The following DPP6 variants were observed in gnomAD, a reference collection of about 807,000 sequenced individuals.
DPP6 encodes the protein A-type potassium channel modulatory protein DPP6.
A neutral mutation model predicts 122.6 loss-of-function variants in DPP6; 69 were observed. The ratio of observed to expected loss-of-function variants is 0.56; its 90% CI spans 0.46 to 0.69. The LOEUF (loss-of-function observed/expected upper bound fraction) is 0.69, where lower values mean the gene tolerates loss of function less well. Among genes scored for constraint, DPP6 ranks in the 30% least tolerant of loss-of-function variants. The pLI is 0.00. For synonymous variants in DPP6, 418 were observed against 433.1 expected (o/e 0.97, Z 0.43); for missense variants, 928 against 1,116.9 (o/e 0.83, Z 2.41).
chr7:154,253,310 G>A (rs924387111), intron 1 of DPP6, among the ~76,000 whole-genome samples: 8 of 152,236 alleles, frequency 5.3e-5, no homozygotes, highest in African/African-American at 1.7e-4. Context: ...GGTACCTGGA[G>A]CAGGCTGAAA....
rs1235353069 is a variant in DPP6, at chr7:154,241,515, A to G, written c.243+188452A>G. ...AAGGAGGTTGCAGTGAGTTGTGGTCACTCCACTGCACTGCAGCCTGAGTAA... is the reference window on the plus strand; with the variant it reads ...AAGGAGGTTGCAGTGAGTTGTGGTCGCTCCACTGCACTGCAGCCTGAGTAA... On this transcript the variant is annotated intron_variant, in intron 1 of 25. Coordinates refer to ENST00000377770, the MANE Select transcript of DPP6 (RefSeq NM_130797.4). This position sits in a 1 kb window ranked among gnomAD's most constrained non-coding sequence, Gnocchi z 9.0. 6.6e-6 allele frequency among the ~76,000 whole-genome samples: 1 copy of G among 151,790 alleles called. No homozygotes were observed. Among genetic ancestry groups the G allele is most frequent in the African/African-American group, 2.4e-5 (1 of 41,282 alleles).
At chr7:153,933,967 A>C (rs1044313779) in intron 1 of DPP6, among the ~76,000 whole-genome samples, 1 of 152,214 alleles carries the variant, frequency 6.6e-6, no homozygotes, top group African/African-American at 2.4e-5. Context: ...ATGCTTTGTC[A>C]GTGGCTGGTG....
At chr7:154,649,177 G>A (rs972716412) in intron 6 of DPP6, among the ~76,000 whole-genome samples, 3 of 152,058 alleles carry the variant, frequency 2.0e-5, no homozygotes, top group Admixed American at 6.6e-5. Flanking sequence ...TAGCATAATT[G>A]CTTTTGAGAT....
chr7:154,592,760 G>T (rs985794035), intron 5 of DPP6, among the ~76,000 whole-genome samples: 5 of 152,208 alleles, frequency 3.3e-5, no homozygotes, highest in Non-Finnish European at 7.3e-5. Context: ...TCCAGGATGA[G>T]CAAACGGAGT....
chr7:153,881,913 T>C, the DPP6 span, among the ~76,000 whole-genome samples: 4 of 152,230 alleles, frequency 2.6e-5, no homozygotes, highest in South Asian at 8.3e-4. Flanking sequence ...TCTGTATTCC[T>C]GTATCATATT....
rs4726399 is a variant in DPP6 at position 154,282,803 on chromosome 7, T to A, written c.244-163411T>A. On this transcript the variant is annotated intron_variant, in intron 1 of 25. Coordinates refer to ENST00000377770, the MANE Select transcript of DPP6 (RefSeq NM_130797.4). The surrounding 1 kb of genome is among the most constrained non-coding windows in gnomAD (Gnocchi z 4.8). ...AAATATAGGGTTGATTCCTAAAGGG[T>A]TTAGAAATAACCACAAATAGGCCCA... Among the ~76,000 whole-genome samples, 21,717 of 152,070 alleles carry A rather than the reference T, an allele frequency of 0.14. 1,597 individuals are homozygous for A. Among genetic ancestry groups the A allele is most frequent in the South Asian group, 0.24 (1,144 of 4,798 alleles).
At chr7:154,309,264 C>T (rs558998946) in intron 1 of DPP6, among the ~76,000 whole-genome samples, 119 of 152,292 alleles carry the variant, frequency 7.8e-4, no homozygotes, top group Admixed American at 9.8e-4. Context: ...GTATATGTGA[C>T]TGCTGTTTTT....
intron 1 of DPP6, among the ~76,000 whole-genome samples, chr7:154,010,401 T>G (rs1320552343): frequency 6.6e-6 from 1 of 152,230 alleles, no homozygotes; most frequent in Non-Finnish European, 1.5e-5. Context: ...AGACCACTAT[T>G]CAGTTGTCAT....
the DPP6 span, among the ~76,000 whole-genome samples, chr7:153,831,551 T>C: frequency 6.6e-6 from 1 of 152,208 alleles, no homozygotes. Context: ...GCCCAGACAG[T>C]CTGTGTCACA....
the DPP6 span, among the ~76,000 whole-genome samples, chr7:153,864,674 C>CAT: frequency 5.2e-4 from 1 of 1,936 alleles, no homozygotes; most frequent in Non-Finnish European, 7.6e-4. Context: ...AATAATAATA[C>CAT]ACACACACAC....
At chr7:153,998,411 T>C (rs1797541710) in intron 1 of DPP6, among the ~76,000 whole-genome samples, 1 of 152,330 alleles carries the variant, frequency 6.6e-6, no homozygotes, top group Non-Finnish European at 1.5e-5. Context: ...ATCCTATCTT[T>C]AGGTTGTAGA....
chr7:154,422,912 G>T (rs1817597236), intron 1 of DPP6, among the ~76,000 whole-genome samples: 2 of 152,132 alleles, frequency 1.3e-5, no homozygotes, highest in Non-Finnish European at 2.9e-5. Context: ...TCGTAATTTT[G>T]TCAAAAACGT....
chr7:154,669,700 C>T (rs755139442), intron 7 of DPP6, among the ~76,000 whole-genome samples: 4 of 152,124 alleles, frequency 2.6e-5, no homozygotes, highest in African/African-American at 4.8e-5. Flanking sequence ...AAAGTGGTGC[C>T]TAACTGTAGC....
intron 1 of DPP6, among the ~76,000 whole-genome samples, chr7:154,247,050 C>T (rs538477552): frequency 3.3e-5 from 5 of 152,294 alleles, no homozygotes; most frequent in South Asian, 2.1e-4. Flanking sequence ...CAGTGGCTCA[C>T]GCCTGTAATC....
At chr7:154,239,413 C>A (rs1048872166) in intron 1 of DPP6, among the ~76,000 whole-genome samples, 1 of 152,168 alleles carries the variant, frequency 6.6e-6, no homozygotes, top group Non-Finnish European at 1.5e-5. Flanking sequence ...TCCTCTTCCT[C>A]CTCCTCATCC....
chr7:154,403,768 T>C lies in DPP6; in HGVS notation c.244-42446T>C, dbSNP rs572493594. Among the ~76,000 whole-genome samples the C allele has an allele frequency of 1.3e-5, 2 of 152,340 alleles. No homozygotes were observed. Among genetic ancestry groups the C allele is most frequent in the Non-Finnish European group, 2.9e-5 (2 of 68,022 alleles). On this transcript the variant is annotated intron_variant, in intron 1 of 25. Coordinates refer to ENST00000377770, the MANE Select transcript of DPP6 (RefSeq NM_130797.4). This position sits in a 1 kb window ranked among gnomAD's most constrained non-coding sequence, Gnocchi z 4.1. ...CTGAGTTCCCCTTCCTGTTTTACAC[T>C]TCTGGTCTTTTGGTTCTCAATACCT...
chr7:153,843,131 C>T, the DPP6 span, among the ~76,000 whole-genome samples: 3 of 151,844 alleles, frequency 2.0e-5, no homozygotes, highest in Non-Finnish European at 2.9e-5. Flanking sequence ...CGCATACACA[C>T]TTGCATACAG....
intron 1 of DPP6, among the ~76,000 whole-genome samples, chr7:154,302,567 C>A (rs1805982630): frequency 6.6e-6 from 1 of 152,184 alleles, no homozygotes; most frequent in Non-Finnish European, 1.5e-5. Flanking sequence ...AGGTGGGGAG[C>A]CCCGGTGGGG....
rs60245069 is a variant in DPP6 at position 154,252,235 on chromosome 7, T to TGTGTGCAC, written c.244-193978_244-193977insTGTGCACG. Among the ~76,000 whole-genome samples the TGTGTGCAC allele has an allele frequency of 7.5e-3, 1,124 of 149,448 alleles. 5 individuals are homozygous for TGTGTGCAC. The highest frequency in any genetic ancestry group is 0.011 in the Non-Finnish European group (739 of 67,816). Reference sequence around the variant, plus strand: ...TCACGTGTGTGTGTGTGTGTGTGTGTGCGCGCATGCGCACGGTGGTGGTGG... The same window carrying TGTGTGCAC: ...TCACGTGTGTGTGTGTGTGTGTGTGTGTGTGCACGCGCGCATGCGCACGGTGGTGGTGG... On this transcript the variant is annotated intron_variant, in intron 1 of 25. Coordinates refer to ENST00000377770, the MANE Select transcript of DPP6 (RefSeq NM_130797.4).
Sources: allele counts gnomAD v4.1 joint callset (sites outside exome capture counted in the v4.1 genomes callset), GRCh38; gene constraint gnomAD v4.1.1; non-coding constraint Gnocchi (gnomAD v3.1); transcripts MANE v1.5; gene names NCBI Gene and HGNC (gene_info 2026-07-23, HGNC 2026-07-21).